DLGAP4: variants seen among roughly 807,000 people sequenced by gnomAD.
DLGAP4 encodes DLG associated protein 4.
Under a neutral mutation model 86.9 loss-of-function variants are expected in DLGAP4, and 18 were observed. The observed-to-expected ratio is 0.21, with a 90% CI of 0.14 to 0.31. The LOEUF (loss-of-function observed/expected upper bound fraction) is 0.31, where lower values mean the gene tolerates loss of function less well. Among genes scored for constraint, DLGAP4 ranks in the 10% least tolerant of loss-of-function variants. The pLI, the probability that DLGAP4 is intolerant of heterozygous loss-of-function variation, is 1.00. For synonymous variants in DLGAP4, 548 were observed against 574.3 expected (o/e 0.95, Z 0.65); for missense variants, 1,085 against 1,362.6 (o/e 0.80, Z 3.21).
rs370269745 is a variant in DLGAP4, at chr20:36,526,840, C to T, written c.2788C>T (p.Pro930Ser). ...KEEKKPPPPV[P>S]KKPAKSKPAV... Reference sequence around the variant, plus strand: ...AGAGAAGAAACCACCCCCTCCGGTCCCAAAGAAGCCAGCCAAATCCAAGCC... The same window carrying T: ...AGAGAAGAAACCACCCCCTCCGGTCTCAAAGAAGCCAGCCAAATCCAAGCC... The change falls in exon 13 of 13, where the codon CCA (proline) becomes TCA (serine). Residue 930 changes from proline (P) to serine (S), a missense_variant. Pro to Ser is a moderately conservative substitution (Grantham distance 74, BLOSUM62 -1). Transcript: ENST00000339266. 4 of 1,610,032 alleles carry T rather than the reference C, an allele frequency of 2.5e-6. No individual in the cohort carries two copies. In the African/African-American group the frequency reaches 5.4e-5, roughly 22 times the overall value.
chr20:36,495,851 T>C (rs1024643224), intron 7 of DLGAP4, among the ~76,000 whole-genome samples: 3 of 151,982 alleles, frequency 2.0e-5, no homozygotes, highest in Non-Finnish European at 4.4e-5. Flanking sequence ...GGATGTGTGT[T>C]TTTTTGTTTG....
At chr20:36,477,839 G>A (rs533789791) in intron 7 of DLGAP4, among the ~76,000 whole-genome samples, 2 of 152,370 alleles carry the variant, frequency 1.3e-5, no homozygotes, top group East Asian at 3.9e-4. Flanking sequence ...TGTAGAAGTA[G>A]TGGAGACCCA....
At chr20:36,450,220 G>C (rs1469987860) in intron 7 of DLGAP4, among the ~76,000 whole-genome samples, 2 of 152,198 alleles carry the variant, frequency 1.3e-5, no homozygotes, top group Admixed American at 1.3e-4. Flanking sequence ...GGGTCTGGGT[G>C]GGCGCAGTGG....
chr20:36,475,052 G>A lies in DLGAP4; in HGVS notation c.1649-21653G>A, dbSNP rs1227393558. On this transcript the variant is annotated intron_variant, in intron 7 of 12. Coordinates refer to ENST00000339266, the MANE Select transcript of DLGAP4 (RefSeq NM_001365621.2). ...GATGGGAAGGAGGCAGTCAAGGGCCGACTGGGAGGTGTCACGACCCTGAGG... is the reference window on the plus strand; with the variant it reads ...GATGGGAAGGAGGCAGTCAAGGGCCAACTGGGAGGTGTCACGACCCTGAGG... 2.6e-5 allele frequency among the ~76,000 whole-genome samples: 4 copies of A among 152,224 alleles called. No individual in the cohort carries two copies. The East Asian group carries it at 5.8e-4, about 22-fold the overall frequency.
chr20:36,336,897 G>C (rs529968390), intron 1 of DLGAP4, among the ~76,000 whole-genome samples: 1 of 152,330 alleles, frequency 6.6e-6, no homozygotes, highest in African/African-American at 2.4e-5. Flanking sequence ...GACCCCAGAG[G>C]GGCCCCCAGC....
At chr20:36,473,306 C>G (rs1350400681) in intron 7 of DLGAP4, 1 of 152,278 alleles carries the variant, frequency 6.6e-6, no homozygotes, top group Non-Finnish European at 1.5e-5. Flanking sequence ...GCTGGAACTG[C>G]TGGCTTCTCA....
intron 6 of DLGAP4, 86 bp downstream of exon 6, chr20:36,442,863 C>T (rs369961067): frequency 3.0e-5 from 47 of 1,562,886 alleles, no homozygotes; most frequent in Admixed American, 1.3e-4. Context: ...TCCCAGCACC[C>T]GGCCCAGGCT....
intron 1 of DLGAP4, among the ~76,000 whole-genome samples, chr20:36,362,508 G>C (rs1166933777): frequency 2.6e-5 from 4 of 152,194 alleles, no homozygotes; most frequent in African/African-American, 4.8e-5. Context: ...GGAGCTCAGA[G>C]GTGTGAGCTG....
chr20:36,320,539 C>T (rs1167110567), intron 1 of DLGAP4, among the ~76,000 whole-genome samples: 2 of 152,140 alleles, frequency 1.3e-5, no homozygotes, highest in South Asian at 2.1e-4. Flanking sequence ...GCGTCATGCC[C>T]CCCACTCCCT....
In DLGAP4 at chr20:36,306,965, C is replaced by T. The variant is rs959170688; in HGVS notation, c.-304+453C>T. Among the ~76,000 whole-genome samples the T allele has an allele frequency of 6.6e-5, 10 of 152,168 alleles. No homozygotes were observed. Among genetic ancestry groups the T allele is most frequent in the Non-Finnish European group, 1.5e-4 (10 of 68,020 alleles). On this transcript the variant is annotated intron_variant, in intron 1 of 12. Coordinates refer to ENST00000339266, the MANE Select transcript of DLGAP4 (RefSeq NM_001365621.2). This position sits in a 1 kb window ranked among gnomAD's most constrained non-coding sequence, Gnocchi z 4.9. ...CTCCCGTGCCCGGCCAACCTTGGCG[C>T]TTGGGAGAGCAGGGCTATGCCGGCC...
intron 1 of DLGAP4, among the ~76,000 whole-genome samples, chr20:36,349,657 G>A (rs1394863697): frequency 1.3e-5 from 2 of 152,046 alleles, no homozygotes; most frequent in African/African-American, 4.8e-5. Flanking sequence ...GTCATCGTGA[G>A]GATAAAAAGG....
chr20:36,361,839 C>T (rs959841451), intron 1 of DLGAP4, among the ~76,000 whole-genome samples: 7 of 151,408 alleles, frequency 4.6e-5, no homozygotes, highest in East Asian at 1.9e-4. Context: ...ATTAGCGGAG[C>T]GTGGTGGTGC....
intron 7 of DLGAP4, among the ~76,000 whole-genome samples, chr20:36,480,744 G>A (rs960657547): frequency 6.6e-6 from 1 of 152,018 alleles, no homozygotes; most frequent in Non-Finnish European, 1.5e-5. Context: ...GTAACTCAAC[G>A]CCTGTAATCC....
intron 7 of DLGAP4, among the ~76,000 whole-genome samples, chr20:36,479,875 A>T (rs1324667517): frequency 1.3e-5 from 2 of 152,148 alleles, no homozygotes; most frequent in East Asian, 3.9e-4. Flanking sequence ...GCCCCAGGCC[A>T]GAAATCCTCA....
Position 36,430,695 on chromosome 20 carries a change from C to T in DLGAP4, c.-72-951C>T, listed in dbSNP as rs187682207. On this transcript the variant is annotated intron_variant, in intron 2 of 12. Coordinates refer to ENST00000339266, the MANE Select transcript of DLGAP4 (RefSeq NM_001365621.2). Reference sequence around the variant, plus strand: ...AAAGGCCAGGCATGGTGGCTCATGCCTGTAATCTCAGTACTTTGGAAGGCC... The same window carrying T: ...AAAGGCCAGGCATGGTGGCTCATGCTTGTAATCTCAGTACTTTGGAAGGCC... 4.0e-5 allele frequency among the ~76,000 whole-genome samples: 6 copies of T among 149,992 alleles called. No individual in the cohort carries two copies. In the East Asian group the frequency reaches 1.2e-3, roughly 29 times the overall value.
At chr20:36,327,748 C>G (rs569244217) in intron 1 of DLGAP4, among the ~76,000 whole-genome samples, 1 of 148,742 alleles carries the variant, frequency 6.7e-6, no homozygotes, top group East Asian at 2.0e-4. Flanking sequence ...CCCGCCACTA[C>G]GCCCGGCTAA....
chr20:36,443,629 C>T (rs1299210218), intron 6 of DLGAP4, among the ~76,000 whole-genome samples: 1 of 152,164 alleles, frequency 6.6e-6, no homozygotes, highest in African/African-American at 2.4e-5. Context: ...TCCTCATCCA[C>T]CTTTAATAGG....
rs144868546 is a variant in DLGAP4, at chr20:36,356,500, C to T, written c.-303-10545C>T. On this transcript the variant is annotated intron_variant, in intron 1 of 12. Transcript: ENST00000339266. ...CTAATTATTGTATTTTTAGTAGAGACGAGGTTTCACCATGTTGGCCATGCT... is the reference window on the plus strand; with the variant it reads ...CTAATTATTGTATTTTTAGTAGAGATGAGGTTTCACCATGTTGGCCATGCT... Among the ~76,000 whole-genome samples the T allele has an allele frequency of 7.3e-3, 1,112 of 152,064 alleles. 9 individuals carry two copies. Among genetic ancestry groups the T allele is most frequent in the Non-Finnish European group, 0.012 (803 of 67,988 alleles).
chr20:36,409,804 T>C (rs2032440304), intron 2 of DLGAP4, among the ~76,000 whole-genome samples: 1 of 151,236 alleles, frequency 6.6e-6, no homozygotes. Flanking sequence ...GAGGCCAAGG[T>C]GGGCGGATCA....
Sources: gnomAD v4.1 joint callset for allele counts (sites outside exome capture counted in the v4.1 genomes callset) on GRCh38, gnomAD v4.1.1 for gene constraint, Gnocchi (gnomAD v3.1) non-coding constraint, MANE v1.5 for transcripts, NCBI Gene and HGNC (gene_info 2026-07-23, HGNC 2026-07-21) for gene names.